FRMD3: variants seen among roughly 807,000 people sequenced by gnomAD.
FRMD3 encodes the protein FERM domain containing 3.
Under a neutral mutation model 70.2 loss-of-function variants are expected in FRMD3, and 33 were observed. The observed-to-expected ratio is 0.47, with a 90% CI of 0.36 to 0.63. The LOEUF (loss-of-function observed/expected upper bound fraction) is 0.63, where lower values mean the gene tolerates loss of function less well. Ranked by LOEUF, FRMD3 falls within the 20% of genes least tolerant of loss-of-function variation. The pLI, the probability that FRMD3 is intolerant of heterozygous loss-of-function variation, is 0.00. For synonymous variants in FRMD3, 279 were observed against 255.9 expected (o/e 1.09, Z -0.86); for missense variants, 632 against 711.4 (o/e 0.89, Z 1.27).
At chr9:83,478,063 G>A (rs190527145) in intron 1 of FRMD3, among the ~76,000 whole-genome samples, 33 of 152,280 alleles carry the variant, frequency 2.2e-4, no homozygotes, top group African/African-American at 7.7e-4. Context: ...CTTCCCTTCT[G>A]TCTCTTGTCT....
Position 83,247,153 on chromosome 9 carries a change from G to T in FRMD3, c.*765C>A. 4 of 985,066 alleles carry T rather than the reference G, an allele frequency of 4.1e-6. No homozygotes were observed. The highest frequency in any genetic ancestry group is 4.8e-6 in the Non-Finnish European group (4 of 829,660). The allele number at this position is 985,066 out of a possible 1,614,324, so 61.0% of individuals were successfully genotyped here. On this transcript the variant is annotated 3_prime_UTR_variant, in exon 14 of 14. Coordinates refer to ENST00000304195, the MANE Select transcript of FRMD3 (RefSeq NM_174938.6). ...AAAATGGACCACCCTGAGTCCACTT[G>T]ATGCTCTCAGTTTCTACATCCTCCA... is the stretch of plus-strand genomic sequence containing the variant.
chr9:83,486,152 T>C (rs527844099), intron 1 of FRMD3, among the ~76,000 whole-genome samples: 1 of 152,312 alleles, frequency 6.6e-6, no homozygotes, highest in Non-Finnish European at 1.5e-5. Context: ...AATAATATCC[T>C]ATGAATATAT....
intron 3 of FRMD3, among the ~76,000 whole-genome samples, chr9:83,368,864 T>A (rs1824875992): frequency 6.6e-6 from 1 of 150,632 alleles, no homozygotes; most frequent in Admixed American, 6.6e-5. Flanking sequence ...TTTCTAGGAA[T>A]TTTTTTTTTA....
chr9:83,529,732 G>T (rs944694106), intron 1 of FRMD3, among the ~76,000 whole-genome samples: 4 of 152,140 alleles, frequency 2.6e-5, no homozygotes, highest in Non-Finnish European at 4.4e-5. Context: ...AAAAATATTT[G>T]CAAATCACTT....
At chr9:83,519,373 C>T (rs955263218) in intron 1 of FRMD3, among the ~76,000 whole-genome samples, 20 of 152,026 alleles carry the variant, frequency 1.3e-4, no homozygotes, top group South Asian at 4.2e-4. Context: ...TTTATGCGGC[C>T]GCCAAACACA....
At chr9:83,364,181 T>C (rs1479779573) in intron 3 of FRMD3, among the ~76,000 whole-genome samples, 1 of 152,210 alleles carries the variant, frequency 6.6e-6, no homozygotes, top group Non-Finnish European at 1.5e-5. Flanking sequence ...TTACTACTCG[T>C]TATATGTTTG....
intron 1 of FRMD3, among the ~76,000 whole-genome samples, chr9:83,507,736 A>ATATCTATCTATCTATC (rs1554713918): frequency 2.7e-4 from 24 of 88,700 alleles, no homozygotes; most frequent in Non-Finnish European, 5.0e-4. Flanking sequence ...ATATATATAT[A>ATATCTATCTATCTATC]TATCTTCTGG....
chr9:83,281,989 T>C (rs1326781661), intron 13 of FRMD3, among the ~76,000 whole-genome samples: 2 of 152,246 alleles, frequency 1.3e-5, no homozygotes, highest in African/African-American at 4.8e-5. Flanking sequence ...TTGCTATAAT[T>C]GAAAAATAGA....
the FRMD3 span, among the ~76,000 whole-genome samples, chr9:83,574,444 T>C: frequency 8.3e-4 from 126 of 152,320 alleles, no homozygotes; most frequent in African/African-American, 2.9e-3. Context: ...GGGTCACTGA[T>C]AAGTTCCATT....
At chr9:83,377,354 C>T (rs1051362647) in intron 2 of FRMD3, among the ~76,000 whole-genome samples, 4 of 152,048 alleles carry the variant, frequency 2.6e-5, no homozygotes, top group African/African-American at 9.7e-5. Flanking sequence ...GAGTGTTAAC[C>T]AAAGAAAACC....
At chr9:83,384,931 A>G (rs1029764347) in intron 2 of FRMD3, among the ~76,000 whole-genome samples, 3 of 152,126 alleles carry the variant, frequency 2.0e-5, no homozygotes, top group African/African-American at 7.2e-5. Flanking sequence ...TCCTAGTGTA[A>G]TTCTTCCTCT....
the FRMD3 span, among the ~76,000 whole-genome samples, chr9:83,552,322 C>T: frequency 2.6e-5 from 4 of 151,930 alleles, no homozygotes; most frequent in Admixed American, 1.3e-4. Flanking sequence ...TTTTATTGTA[C>T]TGTGGTCTGA....
intron 1 of FRMD3, among the ~76,000 whole-genome samples, chr9:83,423,962 A>G (rs934450752): frequency 1.8e-4 from 28 of 152,178 alleles, no homozygotes; most frequent in Admixed American, 9.8e-4. Flanking sequence ...TGTTGCAAAT[A>G]CAGAACATCT....
At chr9:83,407,946 A>G (rs1166236657) in intron 1 of FRMD3, among the ~76,000 whole-genome samples, 1 of 129,780 alleles carries the variant, frequency 7.7e-6, no homozygotes, top group Non-Finnish European at 1.6e-5. Context: ...CTTTCTCTCC[A>G]TGCAGCTCTC....
chr9:83,580,647 C>T, the FRMD3 span, among the ~76,000 whole-genome samples: 23 of 152,056 alleles, frequency 1.5e-4, no homozygotes, highest in African/African-American at 5.1e-4. Context: ...GAATTATTGG[C>T]CAAAGGGTAC....
intron 1 of FRMD3, among the ~76,000 whole-genome samples, chr9:83,401,200 G>C (rs140381274): frequency 5.9e-5 from 9 of 152,312 alleles, no homozygotes; most frequent in African/African-American, 1.7e-4. Context: ...TAAAACTTAG[G>C]GTGGCTGAAT....
chr9:83,531,778 T>G lies in FRMD3; in HGVS notation c.147+6307A>C, dbSNP rs76942732. ...TAACCTTTTCTTCAACTAAATTGAT[T>G]AGAATAGTACTCTGTATTTGGGTGA... On this transcript the variant is annotated intron_variant, in intron 1 of 13. Transcript: ENST00000304195. Among the ~76,000 whole-genome samples, 971 of 152,332 alleles carry G rather than the reference T, an allele frequency of 6.4e-3. 8 individuals carry two copies. The highest frequency in any genetic ancestry group is 0.022 in the African/African-American group (925 of 41,570).
intron 5 of FRMD3, among the ~76,000 whole-genome samples, chr9:83,342,692 TTAGA>T (rs71498046): frequency 0.23 from 33,398 of 146,778 alleles, 4,060 homozygotes; most frequent in East Asian, 0.3. Flanking sequence ...GATGGATAGA[TTAGA>T]TAGATAGATA....
intron 6 of FRMD3, among the ~76,000 whole-genome samples, chr9:83,313,977 G>A (rs1239130465): frequency 6.6e-6 from 1 of 152,192 alleles, no homozygotes; most frequent in Non-Finnish European, 1.5e-5. Flanking sequence ...CACGCACTCT[G>A]AGCGCTCCAG....
Sources: allele counts gnomAD v4.1 joint callset (sites outside exome capture counted in the v4.1 genomes callset), GRCh38; gene constraint gnomAD v4.1.1; transcripts MANE v1.5; gene names NCBI Gene and HGNC (gene_info 2026-07-23, HGNC 2026-07-21).